The following AK9 variants were observed in gnomAD, a reference collection of about 807,000 sequenced individuals.
The protein encoded by AK9 is adenylate kinase domain containing 1.
A neutral mutation model predicts 239.6 loss-of-function variants in AK9; 191 were observed. That is an observed-to-expected ratio of 0.80 (90% CI 0.71 to 0.90). The LOEUF (loss-of-function observed/expected upper bound fraction) is 0.90. Ranked by LOEUF, AK9 falls within the 40% of genes least tolerant of loss-of-function variation. AK9 has a pLI of 0.00. For missense variants in AK9, 1,995 were observed against 2,214.7 expected, an observed-to-expected ratio of 0.90 and a Z score of 1.99; for synonymous variants, 689 against 721.0, an observed-to-expected ratio of 0.96 and a Z score of 0.71.
intron 21 of AK9, among the ~76,000 whole-genome samples, chr6:109,570,776 G>A (rs1787309601): frequency 6.6e-6 from 1 of 152,152 alleles, no homozygotes; most frequent in Non-Finnish European, 1.5e-5. Context: ...GGAATCTGAA[G>A]CAATAACTGA....
rs1364069725 is a variant in AK9, at chr6:109,606,126, T to C, written c.1842+4239A>G. 2.0e-5 allele frequency among the ~76,000 whole-genome samples: 3 copies of C among 152,192 alleles called. 1 individual carries two copies. The highest frequency in any genetic ancestry group is 7.2e-5 in the African/African-American group (3 of 41,444). On this transcript the variant is annotated intron_variant, in intron 17 of 40. Transcript: ENST00000424296. The stretch of plus-strand genomic sequence containing the variant: ...AAAAATGGTATAACATTTTTATACA[T>C]TACTCATTCTTCTATCCTCCTGTGA...
intron 10 of AK9, 50 bp downstream of exon 10, chr6:109,641,468 C>T (rs1325593460): frequency 4.0e-6 from 6 of 1,484,834 alleles, no homozygotes; most frequent in Non-Finnish European, 3.7e-6. Context: ...TGCACCCTGC[C>T]CACAACATAT....
chr6:109,646,704 GC>G (rs1360367236), intron 8 of AK9, among the ~76,000 whole-genome samples: 1 of 152,100 alleles, frequency 6.6e-6, no homozygotes, highest in Non-Finnish European at 1.5e-5. Context: ...ACCTAGCAAG[GC>G]AGGCCAACAT....
chr6:109,563,927 C>A (rs1291838446), intron 23 of AK9, among the ~76,000 whole-genome samples, 153 bp downstream of exon 23: 1 of 152,194 alleles, frequency 6.6e-6, no homozygotes, highest in Non-Finnish European at 1.5e-5. Flanking sequence ...TGGTCAGGAC[C>A]TGCACAGTGA....
At chr6:109,528,294 G>A (rs1004384576) in intron 29 of AK9, 1 of 353,518 alleles carries the variant, frequency 2.8e-6, no homozygotes, top group African/African-American at 2.1e-5. Context: ...CTTAAACAGA[G>A]CAAACTTTCA....
At chr6:109,573,340 C>G (rs2128196389) in intron 21 of AK9, 102 bp downstream of exon 21, 2 of 1,261,940 alleles carry the variant, frequency 1.6e-6, no homozygotes, top group South Asian at 2.1e-5. Flanking sequence ...TCTCCATTCT[C>G]AGCCAGCTTC....
chr6:109,497,348 A>G lies in AK9; in HGVS notation c.5315+117T>C, dbSNP rs1402114293. The G allele has an allele frequency of 3.0e-5, 19 of 623,408 alleles. No individual in the cohort carries two copies. In the East Asian group the frequency reaches 6.2e-4, roughly 20 times the overall value. 38.6% of individuals were successfully genotyped at this position (623,408 alleles called of 1,614,324 possible). A position where few individuals can be genotyped will look rare whatever the true frequency, so the allele number is the denominator to read the frequency against. On this transcript the variant is annotated intron_variant, in intron 38 of 40. Transcript: ENST00000424296. ...TGTTCACACACACACACACACACAC[A>G]CACACACACACACACTCTCTCTCTC... is the stretch of plus-strand genomic sequence containing the variant.
chr6:109,560,878 C>T (rs150373846), intron 24 of AK9, among the ~76,000 whole-genome samples: 2 of 152,290 alleles, frequency 1.3e-5, no homozygotes, highest in Admixed American at 1.3e-4. Context: ...CAGAATTCAT[C>T]AGGGAAGCCA....
chr6:109,552,325 C>T (rs1236396405), intron 24 of AK9, among the ~76,000 whole-genome samples: 1 of 152,184 alleles, frequency 6.6e-6, no homozygotes, highest in Non-Finnish European at 1.5e-5. Flanking sequence ...CCCACCAACA[C>T]TGTAAAAGCA....
At chr6:109,519,991 T>G (rs183632271) in intron 29 of AK9, among the ~76,000 whole-genome samples, 135 of 152,302 alleles carry the variant, frequency 8.9e-4, no homozygotes, top group African/African-American at 3.2e-3. Context: ...CCTTATAGAT[T>G]TGGAATATTA....
rs764231090 is a variant in AK9 at position 109,499,061 on chromosome 6, A to C, written c.5029T>G (p.Ser1677Ala). ...AAACTTACATTCAGTTTTTCCTGAG[A>C]ACTCATTTTATAGTAGTGCCCCCTG... ...EFRGHYYKMS[S>A]QEKLNKFLEN... is the part of the protein sequence containing the mutation. Residue 1677 changes from serine to alanine, a missense_variant, in exon 36 of 41, where the codon TCT (serine) becomes GCT (alanine). This residue lies in a region of AK9 where 391 missense variants were observed against 456.0 expected (regional missense o/e 0.86). Coordinates refer to ENST00000424296, the MANE Select transcript of AK9 (RefSeq NM_001145128.3). The C allele has an allele frequency of 2.0e-6, 3 of 1,524,722 alleles. No individual in the cohort carries two copies. Among genetic ancestry groups the C allele is most frequent in the Non-Finnish European group, 2.6e-6 (3 of 1,133,750 alleles). The allele number at this position is 1,524,722 out of a possible 1,614,324, so 94.4% of individuals were successfully genotyped here.
intron 24 of AK9, among the ~76,000 whole-genome samples, chr6:109,559,039 AG>A (rs59099253): frequency 2.0e-4 from 31 of 151,288 alleles, no homozygotes; most frequent in Non-Finnish European, 4.3e-4. Context: ...TTCAATAGAG[AG>A]GGGGGGTTCG....
chr6:109,586,306 C>T (rs895518674), intron 17 of AK9, among the ~76,000 whole-genome samples: 2 of 152,124 alleles, frequency 1.3e-5, no homozygotes, highest in Admixed American at 1.3e-4. Context: ...GTATCAGCTA[C>T]ACAGGAGGCT....
intron 17 of AK9, among the ~76,000 whole-genome samples, chr6:109,608,998 T>G (rs1793261051): frequency 6.6e-6 from 1 of 152,150 alleles, no homozygotes; most frequent in African/African-American, 2.4e-5. Flanking sequence ...TGATGACAGG[T>G]AAAACTGTCT....
In AK9 at chr6:109,546,114, C is replaced by T; in HGVS notation, c.2978G>A (p.Arg993Lys). Residue 993 changes from arginine (R) to lysine (K), a missense_variant, in exon 26 of 41, where the codon AGA becomes AAA. Transcript: ENST00000424296. ...HEEPLKAPPLRICLVGPQGSG... is the reference protein window; with the variant it reads ...HEEPLKAPPLKICLVGPQGSG... The stretch of plus-strand genomic sequence containing the variant: ...GCCCTGGGGGCCGACAAGGCATATT[C>T]TTAATGGAGGAGCCTGTCACAGGGG... 4 of 1,219,556 alleles carry T rather than the reference C, an allele frequency of 3.3e-6. No homozygotes were observed. Among genetic ancestry groups the T allele is most frequent in the Non-Finnish European group, 4.4e-6 (4 of 901,934 alleles). The allele number at this position is 1,219,556 out of a possible 1,614,324, so 75.5% of individuals were successfully genotyped here. A position where few individuals can be genotyped will look rare whatever the true frequency, so the allele number is the denominator to read the frequency against.
chr6:109,586,751 G>A (rs1240917385), intron 17 of AK9, among the ~76,000 whole-genome samples: 1 of 152,176 alleles, frequency 6.6e-6, no homozygotes, highest in Non-Finnish European at 1.5e-5. Flanking sequence ...GGTGCTTAGA[G>A]AATTCTGCTA....
At chr6:109,530,056 A>G (rs1195585412) in intron 28 of AK9, among the ~76,000 whole-genome samples, 3 of 152,176 alleles carry the variant, frequency 2.0e-5, no homozygotes, top group Non-Finnish European at 4.4e-5. Flanking sequence ...ATATATAGAT[A>G]GTCCTCCAAC....
At chr6:109,644,797 CT>C in intron 8 of AK9, 109 bp from the exon 9 acceptor site, 2 of 809,546 alleles carry the variant, frequency 2.5e-6, no homozygotes, top group Non-Finnish European at 3.7e-6. Context: ...AATTGTTTGC[CT>C]TATACATGCT....
intron 21 of AK9, among the ~76,000 whole-genome samples, chr6:109,568,513 T>C (rs1290472763): frequency 2.0e-5 from 3 of 152,162 alleles, no homozygotes; most frequent in Non-Finnish European, 4.4e-5. Flanking sequence ...ATGACATGAT[T>C]GTATATTTAG....
Sources: gnomAD v4.1 joint callset for allele counts (sites outside exome capture counted in the v4.1 genomes callset) on GRCh38, gnomAD v4.1.1 for gene constraint, gnomAD v4.1.1 regional missense constraint, MANE v1.5 for transcripts, NCBI Gene and HGNC (gene_info 2026-07-23, HGNC 2026-07-21) for gene names.